DLEU7: variants seen among roughly 807,000 people sequenced by gnomAD.
DLEU7 encodes deleted in lymphocytic leukemia 7.
Under a neutral mutation model 16.0 loss-of-function variants are expected in DLEU7, and 17 were observed. That is an observed-to-expected ratio of 1.06 (90% confidence interval 0.73 to 1.59). The LOEUF (loss-of-function observed/expected upper bound fraction) is 1.59, where lower values mean the gene tolerates loss of function less well. DLEU7 is among the 40% of genes most tolerant of loss of function. The probability of loss-of-function intolerance (pLI) is 0.00; values close to 1 mark genes in which losing one functional copy is unlikely to be tolerated. For missense variants in DLEU7, 308 were observed against 314.9 expected, an observed-to-expected ratio of 0.98 and a Z score of 0.17; for synonymous variants, 113 against 139.8, an observed-to-expected ratio of 0.81 and a Z score of 1.35.
chr13:50,766,286 C>A (rs1277230986), intron 1 of DLEU7, among the ~76,000 whole-genome samples: 1 of 152,216 alleles, frequency 6.6e-6, no homozygotes, highest in East Asian at 1.9e-4. Flanking sequence ...ATGTTCAGCA[C>A]AGCTGCAGCG....
At chr13:50,820,468 C>T (rs1876867076), downstream of DLEU7, among the ~76,000 whole-genome samples, 2 of 152,108 alleles carry the variant, frequency 1.3e-5, no homozygotes, top group Non-Finnish European at 2.9e-5. Flanking sequence ...GCCAACCAGC[C>T]TTGCACAGGA....
intron 1 of DLEU7, among the ~76,000 whole-genome samples, chr13:50,836,701 A>G (rs1213487916): frequency 6.6e-6 from 1 of 151,900 alleles, no homozygotes; most frequent in Admixed American, 6.6e-5. Flanking sequence ...AAAGAAAAAA[A>G]GAAAGAGAGA....
chr13:50,741,238 C>T (rs778050796), intron 1 of DLEU7, among the ~76,000 whole-genome samples: 5 of 152,188 alleles, frequency 3.3e-5, no homozygotes, highest in Non-Finnish European at 7.4e-5. Context: ...AGGGCCTTCT[C>T]AGTTCCCCTA....
chr13:50,739,215 C>T (rs957412566), intron 1 of DLEU7, among the ~76,000 whole-genome samples: 1 of 152,168 alleles, frequency 6.6e-6, no homozygotes, highest in Non-Finnish European at 1.5e-5. Flanking sequence ...ACCTCTCAGG[C>T]TGGGTTGCTT....
intron 1 of DLEU7, among the ~76,000 whole-genome samples, chr13:50,757,894 G>C (rs1442593737): frequency 6.6e-6 from 1 of 152,174 alleles, no homozygotes; most frequent in African/African-American, 2.4e-5. Context: ...GATTCAGGCA[G>C]TGATTTACAC....
chr13:50,815,599 A>G (rs1301071609), intron 1 of DLEU7, among the ~76,000 whole-genome samples: 1 of 152,160 alleles, frequency 6.6e-6, no homozygotes, highest in Non-Finnish European at 1.5e-5. Context: ...AGCAGACTAG[A>G]GGGTGGCTTG....
chr13:50,843,129 C>G lies in DLEU7; in HGVS notation c.459+59G>C. 2.7e-6 allele frequency: 4 copies of G among 1,478,328 alleles called. No homozygotes were observed. Among genetic ancestry groups the G allele is most frequent in the Non-Finnish European group, 3.6e-6 (4 of 1,098,000 alleles). 91.6% of individuals were successfully genotyped at this position (1,478,328 alleles called of 1,614,324 possible). ...ACCCATCGCCATCCCAGCAGCCCCA[C>G]CCTTGGAGGATGGGAGGTTACCCTG... On this transcript the variant is annotated intron_variant, in intron 1 of 1. Coordinates refer to ENST00000504404, the MANE Select transcript of DLEU7 (RefSeq NM_001306135.2). The surrounding 1 kb of genome is among the most constrained non-coding windows in gnomAD (Gnocchi z 5.7).
At chr13:50,711,642 T>G (rs1346340735), downstream of DLEU7, 2 of 152,176 alleles carry the variant, frequency 1.3e-5, no homozygotes, top group East Asian at 1.9e-4. Context: ...AATGTTCTGT[T>G]TTTCAATCAT....
At chr13:50,774,619 A>C (rs1268197273) in intron 1 of DLEU7, among the ~76,000 whole-genome samples, 1 of 152,086 alleles carries the variant, frequency 6.6e-6, no homozygotes, top group Non-Finnish European at 1.5e-5. Flanking sequence ...AGTTTCATGA[A>C]TGTGTGGGTT....
At chr13:50,790,928 G>T (rs540729517) in intron 1 of DLEU7, among the ~76,000 whole-genome samples, 1 of 152,094 alleles carries the variant, frequency 6.6e-6, no homozygotes, top group African/African-American at 2.4e-5. Context: ...GCTCACTTCG[G>T]CTATACCCAA....
At chr13:50,826,815 A>G (rs1877100933) in intron 1 of DLEU7, among the ~76,000 whole-genome samples, 1 of 152,250 alleles carries the variant, frequency 6.6e-6, no homozygotes, top group Non-Finnish European at 1.5e-5. Flanking sequence ...ACGAATGACA[A>G]GACAGCAGCT....
chr13:50,761,924 C>T (rs1396319463), intron 1 of DLEU7, among the ~76,000 whole-genome samples: 1 of 151,990 alleles, frequency 6.6e-6, no homozygotes, highest in African/African-American at 2.4e-5. Flanking sequence ...GGCACGGTGG[C>T]TCACGCCTGT....
chr13:50,757,110 A>G (rs1323774392), intron 1 of DLEU7, among the ~76,000 whole-genome samples: 1 of 152,172 alleles, frequency 6.6e-6, no homozygotes, highest in African/African-American at 2.4e-5. Flanking sequence ...CGCTTCTTTC[A>G]GAGGGTCTGT....
chr13:50,771,827 T>C (rs1418629974), intron 1 of DLEU7, among the ~76,000 whole-genome samples: 1 of 152,196 alleles, frequency 6.6e-6, no homozygotes, highest in Non-Finnish European at 1.5e-5. Flanking sequence ...CTTGTTAACT[T>C]GCTGTCTCAT....
At chr13:50,805,789 A>G (rs1207114516) in intron 1 of DLEU7, among the ~76,000 whole-genome samples, 1 of 152,190 alleles carries the variant, frequency 6.6e-6, no homozygotes, top group East Asian at 1.9e-4. Flanking sequence ...CCTTATTGCT[A>G]GAGAACAAAT....
At chr13:50,737,469 C>T (rs769805986) in intron 1 of DLEU7, among the ~76,000 whole-genome samples, 3 of 152,252 alleles carry the variant, frequency 2.0e-5, no homozygotes, top group South Asian at 4.2e-4. Context: ...ATTTTCTCAA[C>T]AGCGTGTGCT....
intron 1 of DLEU7, among the ~76,000 whole-genome samples, chr13:50,769,210 G>A (rs1875220631): frequency 6.6e-6 from 1 of 152,194 alleles, no homozygotes; most frequent in African/African-American, 2.4e-5. Flanking sequence ...TGGGTAGATT[G>A]CAAAAATTTT....
intron 1 of DLEU7, among the ~76,000 whole-genome samples, chr13:50,835,179 A>G (rs1877412949): frequency 6.6e-6 from 1 of 152,192 alleles, no homozygotes; most frequent in Non-Finnish European, 1.5e-5. Flanking sequence ...AACTTAAAGT[A>G]TAATAAAAAA....
rs139583746 is a variant in DLEU7, at chr13:50,727,401, A to G, written c.460-14161T>C. Among the ~76,000 whole-genome samples the G allele has an allele frequency of 2.5e-3, 387 of 152,264 alleles. 1 individual carries two copies. Among genetic ancestry groups the G allele is most frequent in the African/African-American group, 9.0e-3 (374 of 41,536 alleles). ...GACTGAAGAATTAACAAAAGCTCCA[A>G]CCAAATACTAATTTGTTCAGTGAAT... is the stretch of plus-strand genomic sequence containing the variant. On this transcript the variant is annotated intron_variant, in intron 1 of 1. Coordinates refer to the DLEU7 transcript ENST00000400393.
Sources: allele counts gnomAD v4.1 joint callset (sites outside exome capture counted in the v4.1 genomes callset), GRCh38; gene constraint gnomAD v4.1.1; non-coding constraint Gnocchi (gnomAD v3.1); transcripts MANE v1.5; gene names NCBI Gene and HGNC (gene_info 2026-07-23, HGNC 2026-07-21).